Variants in FAM184A observed in about 807,000 individuals in gnomAD.
The protein encoded by FAM184A is protein FAM184A.
FAM184A carries 99 observed loss-of-function variants against 143.8 expected under a neutral mutation model. The observed-to-expected ratio is 0.69, with a 90% CI of 0.58 to 0.81. The LOEUF (loss-of-function observed/expected upper bound fraction) is 0.81, where lower values mean the gene tolerates loss of function less well. Among genes scored for constraint, FAM184A ranks in the 40% least tolerant of loss-of-function variants. FAM184A has a pLI of 0.00. For missense variants in FAM184A, 1,217 were observed against 1,310.5 expected (o/e 0.93, Z 1.10); for synonymous variants, 427 against 446.4 (o/e 0.96, Z 0.55).
At chr6:118,980,409 C>T in intron 9 of FAM184A, 59 bp from the exon 10 acceptor site, 1 of 1,328,996 alleles carries the variant, frequency 7.5e-7, no homozygotes, top group East Asian at 2.4e-5. Context: ...CACAAACTAC[C>T]CAGCAAAGGG....
rs1169757136 is a variant in FAM184A, at chr6:119,020,086, C to A, written c.1224G>T (p.Ser408=). The A allele has an allele frequency of 6.2e-7, 1 of 1,609,372 alleles. No homozygotes were observed. The highest frequency in any genetic ancestry group is 8.5e-7 in the Non-Finnish European group (1 of 1,178,648). ...VTIKDLESEK[S]RVNERLSQLE... ...GTTGAGATAATCTCTCATTGACTCT[C>A]GATTTTTCTGATTCTAAATCTTTAA... The change falls in exon 4 of 18, where the codon TCG becomes TCT. Residue 408 remains serine (S), a synonymous_variant. Transcript: ENST00000338891.
At chr6:118,999,481 CCT>C (rs1784682792) in intron 9 of FAM184A, among the ~76,000 whole-genome samples, 2 of 152,056 alleles carry the variant, frequency 1.3e-5, no homozygotes, top group Middle Eastern at 3.2e-3. Context: ...TTACTGTATT[CCT>C]CGTAATGCCT....
chr6:119,073,046 T>G (rs1787750160), intron 1 of FAM184A, among the ~76,000 whole-genome samples: 1 of 152,190 alleles, frequency 6.6e-6, no homozygotes, highest in Non-Finnish European at 1.5e-5. Flanking sequence ...TCCCTAGAGC[T>G]GAGAACCTTA....
At chr6:119,096,012 C>T (rs1788497503) in intron 1 of FAM184A, among the ~76,000 whole-genome samples, 3 of 152,126 alleles carry the variant, frequency 2.0e-5, no homozygotes, top group Admixed American at 1.3e-4. Context: ...CAAGATTCTT[C>T]TTTGTATTTG....
chr6:118,987,565 G>C (rs1784231927), intron 9 of FAM184A, among the ~76,000 whole-genome samples: 1 of 152,086 alleles, frequency 6.6e-6, no homozygotes, highest in South Asian at 2.1e-4. Context: ...CAATGCTTAG[G>C]AAAGGGATTT....
upstream of FAM184A, among the ~76,000 whole-genome samples, chr6:119,083,203 C>G (rs1562143454): frequency 6.6e-6 from 1 of 152,206 alleles, no homozygotes. Context: ...GCCTTGGGCC[C>G]AGCCCACGAA....
rs748148077 is a variant in FAM184A at position 119,049,921 on chromosome 6, T to C, written c.160-25108A>G. ...CAACCTACAGAATGGGAGAAAATTC[T>C]TGCAAACTATGCATCTGACAAAGAT... On this transcript the variant is annotated intron_variant, in intron 1 of 17. Transcript: ENST00000338891. Among the ~76,000 whole-genome samples, 19 of 152,320 alleles carry C rather than the reference T, an allele frequency of 1.2e-4. 1 individual carries two copies. The highest frequency in any genetic ancestry group is 5.8e-4 in the East Asian group (3 of 5,188).
At chr6:118,966,035 C>G (rs1371865746) in intron 15 of FAM184A, among the ~76,000 whole-genome samples, 1 of 152,268 alleles carries the variant, frequency 6.6e-6, no homozygotes, top group African/African-American at 2.4e-5. Flanking sequence ...TGGATTCTAC[C>G]TGTGATCCCC....
intron 15 of FAM184A, among the ~76,000 whole-genome samples, chr6:118,966,000 C>T (rs1270527029): frequency 1.3e-5 from 2 of 152,144 alleles, no homozygotes; most frequent in East Asian, 3.9e-4. Context: ...AAGCAGCACA[C>T]ACTCATCTCT....
chr6:118,978,976 A>G (rs957966661), intron 11 of FAM184A, among the ~76,000 whole-genome samples: 6 of 152,314 alleles, frequency 3.9e-5, no homozygotes, highest in Non-Finnish European at 8.8e-5. Context: ...CCTAATACTG[A>G]CTTTTCCCAT....
chr6:119,063,187 A>G (rs1377242310), intron 1 of FAM184A, among the ~76,000 whole-genome samples: 2 of 152,180 alleles, frequency 1.3e-5, no homozygotes, highest in African/African-American at 4.8e-5. Context: ...AAAATTTTGT[A>G]TAAATGAATA....
intron 7 of FAM184A, among the ~76,000 whole-genome samples, chr6:119,004,635 AG>A (rs1040774567): frequency 6.6e-6 from 1 of 152,210 alleles, no homozygotes; most frequent in African/African-American, 2.4e-5. Flanking sequence ...GGTAGGTTAA[AG>A]GAAAAGAGGT....
At chr6:118,972,872 T>C (rs1783737438) in intron 14 of FAM184A, among the ~76,000 whole-genome samples, 1 of 152,208 alleles carries the variant, frequency 6.6e-6, no homozygotes, top group South Asian at 2.1e-4. Context: ...AGCCAAGGAA[T>C]TGAGGTCTAT....
intron 1 of FAM184A, among the ~76,000 whole-genome samples, chr6:119,085,980 T>C (rs1378779021): frequency 6.6e-6 from 1 of 152,174 alleles, no homozygotes; most frequent in African/African-American, 2.4e-5. Flanking sequence ...AACCCATTCA[T>C]GAGAACTTTG....
intron 5 of FAM184A, among the ~76,000 whole-genome samples, chr6:119,015,973 ACT>A (rs1220544874): frequency 7.7e-6 from 1 of 130,326 alleles, no homozygotes; most frequent in Non-Finnish European, 1.6e-5. Context: ...ACCAATCGAC[ACT>A]CTGTATCTAG....
intron 1 of FAM184A, among the ~76,000 whole-genome samples, chr6:119,144,385 G>A (rs549849431): frequency 5.9e-5 from 9 of 151,698 alleles, no homozygotes; most frequent in East Asian, 3.9e-4. Context: ...TGGGACTTGC[G>A]TCCTATGGAA....
At position 119,078,379 on chromosome 6, in the gene FAM184A, G is replaced by A. The variant is rs1379929582; in HGVS notation, c.-80C>T. 1 of 1,327,478 alleles carries A rather than the reference G, an allele frequency of 7.5e-7. No individual in the cohort carries two copies. Among genetic ancestry groups the A allele is most frequent in the South Asian group, 1.7e-5 (1 of 57,156 alleles). The allele number at this position is 1,327,478 out of a possible 1,614,324, so 82.2% of individuals were successfully genotyped here. Reference sequence around the variant, plus strand: ...TGGAGCAACGACGCCCGGGAGGCAAGAGTCGCGGCGGCCGCTTCCCGACCC... The same window carrying A: ...TGGAGCAACGACGCCCGGGAGGCAAAAGTCGCGGCGGCCGCTTCCCGACCC... On this transcript the variant is annotated 5_prime_UTR_variant, in exon 1 of 18. Coordinates refer to ENST00000338891, the MANE Select transcript of FAM184A (RefSeq NM_024581.6). This position sits in a 1 kb window ranked among gnomAD's most constrained non-coding sequence, Gnocchi z 5.5.
chr6:119,122,063 C>A lies in FAM184A; in HGVS notation c.-202+27015G>T, dbSNP rs527366086. ...GGATTACAGGCAGGAGCCACCATGA[C>A]CAGCTTGGAACTTTTTAGTGCAACT... On this transcript the variant is annotated intron_variant, in intron 1 of 16. Transcript: ENST00000352896. Among the ~76,000 whole-genome samples the A allele has an allele frequency of 3.3e-5, 5 of 152,306 alleles. No individual in the cohort carries two copies. The East Asian group carries it at 9.6e-4, about 29-fold the overall frequency.
chr6:119,053,929 T>C (rs774825665), intron 1 of FAM184A, among the ~76,000 whole-genome samples: 14 of 152,232 alleles, frequency 9.2e-5, no homozygotes, highest in African/African-American at 2.9e-4. Flanking sequence ...AGTCCCAATC[T>C]ACTTCTCAGC....
Sources: allele counts gnomAD v4.1 joint callset (sites outside exome capture counted in the v4.1 genomes callset), GRCh38; gene constraint gnomAD v4.1.1; non-coding constraint Gnocchi (gnomAD v3.1); transcripts MANE v1.5; gene names NCBI Gene and HGNC (gene_info 2026-07-23, HGNC 2026-07-21).